C5orf22: variants seen among roughly 807,000 people sequenced by gnomAD.
C5orf22 encodes chromosome 5 open reading frame 22, also known as UPF0489 protein C5orf22.
Under a neutral mutation model 48.7 loss-of-function variants are expected in C5orf22, and 36 were observed. The ratio of observed to expected loss-of-function variants is 0.74; its 90% CI spans 0.57 to 0.98. The LOEUF is 0.98. Ranked by LOEUF, C5orf22 falls within the 50% of genes least tolerant of loss-of-function variation. The pLI is 0.00. For synonymous variants in C5orf22, 141 were observed against 180.8 expected, an observed-to-expected ratio of 0.78 and a Z score of 1.76; for missense variants, 486 against 521.9, an observed-to-expected ratio of 0.93 and a Z score of 0.67.
At chr5:31,533,333 C>T (rs772968795) in intron 1 of C5orf22, among the ~76,000 whole-genome samples, 8 of 152,128 alleles carry the variant, frequency 5.3e-5, no homozygotes, top group Non-Finnish European at 8.8e-5. Context: ...ATGTTTATGG[C>T]CGTGCTGATT....
At chr5:31,532,622 A>C in intron 1 of C5orf22, 149 bp downstream of exon 1, 1 of 637,122 alleles carries the variant, frequency 1.6e-6, no homozygotes, top group South Asian at 2.0e-5. Flanking sequence ...GAGGACCCCA[A>C]AACAGCTAAC....
At chr5:31,548,249 C>T (rs545436266) in intron 7 of C5orf22, among the ~76,000 whole-genome samples, 13 of 151,042 alleles carry the variant, frequency 8.6e-5, no homozygotes, top group Non-Finnish European at 1.5e-4. Flanking sequence ...TGCAGTGAGC[C>T]GAGATGGTAC....
Position 31,535,923 on chromosome 5 carries a change from G to A in C5orf22, c.377+30G>A, listed in dbSNP as rs1022458656. 3.1e-6 allele frequency: 5 copies of A among 1,595,766 alleles called. No homozygotes were observed. The African/African-American group carries it at 6.7e-5, about 22-fold the overall frequency. ...TTTCCTCATATTTGTGAATATGGAAGTGATTGAATGTTTCTATCTTATTTT... is the reference window on the plus strand; with the variant it reads ...TTTCCTCATATTTGTGAATATGGAAATGATTGAATGTTTCTATCTTATTTT... On this transcript the variant is annotated intron_variant, in intron 3 of 8. Transcript: ENST00000325366.
At chr5:31,549,336 A>G (rs1298543940) in intron 7 of C5orf22, among the ~76,000 whole-genome samples, 1 of 152,224 alleles carries the variant, frequency 6.6e-6, no homozygotes, top group Non-Finnish European at 1.5e-5. Flanking sequence ...CCCATGACAC[A>G]TGGAAATTGT....
At chr5:31,548,905 C>T (rs1394115001) in intron 7 of C5orf22, among the ~76,000 whole-genome samples, 3 of 152,082 alleles carry the variant, frequency 2.0e-5, no homozygotes, top group Non-Finnish European at 2.9e-5. Flanking sequence ...GCTTGTGCAG[C>T]GAGACTTGTG....
intron 3 of C5orf22, among the ~76,000 whole-genome samples, chr5:31,536,156 C>T (rs1431624238): frequency 6.6e-6 from 1 of 152,190 alleles, no homozygotes; most frequent in Non-Finnish European, 1.5e-5. Flanking sequence ...TGATTAACTC[C>T]TTAAGCCATT....
intron 1 of C5orf22, among the ~76,000 whole-genome samples, chr5:31,533,102 G>A (rs534388342): frequency 2.0e-5 from 3 of 152,092 alleles, no homozygotes; most frequent in East Asian, 3.9e-4. Context: ...TCACAGGCAC[G>A]CATCACCGTA....
chr5:31,538,547 GTTC>G lies in C5orf22; in HGVS notation c.670_672del (p.Ser224del), dbSNP rs1742255702. ...ACTTGCCTAGAACCATCATGTTCAT[GTTC>G]TTCTGAAAATCAGGAATGCCAGACT... On this transcript the variant is annotated inframe_deletion, in exon 4 of 9. Transcript: ENST00000325366. The G allele has an allele frequency of 1.2e-6, 2 of 1,614,146 alleles. No individual in the cohort carries two copies. The highest frequency in any genetic ancestry group is 2.2e-5 in the East Asian group (1 of 44,886).
chr5:31,551,574 T>G (rs1260830097), intron 8 of C5orf22, 142 bp downstream of exon 8: 2 of 665,328 alleles, frequency 3.0e-6, no homozygotes, highest in Non-Finnish European at 5.1e-6. Context: ...TTATCCTGGA[T>G]TTATCAGGTG....
At chr5:31,538,151 G>C (rs1742213609) in intron 3 of C5orf22, 109 bp from the exon 4 acceptor site, 1 of 767,872 alleles carries the variant, frequency 1.3e-6, no homozygotes, top group South Asian at 1.8e-5. Flanking sequence ...ACTAGAGACT[G>C]CTCTCAGTTT....
At chr5:31,541,979 A>G (rs780365543) in intron 6 of C5orf22, among the ~76,000 whole-genome samples, 1 of 152,174 alleles carries the variant, frequency 6.6e-6, no homozygotes, top group Non-Finnish European at 1.5e-5. Context: ...CAAGTCACAT[A>G]GTAAGTGGGC....
chr5:31,547,389 C>T (rs555168585), intron 7 of C5orf22, among the ~76,000 whole-genome samples: 29 of 152,320 alleles, frequency 1.9e-4, no homozygotes, highest in Admixed American at 9.8e-4. Flanking sequence ...ATCTGGAGGA[C>T]GGACAGTGGC....
chr5:31,550,724 G>A (rs919262923), intron 7 of C5orf22, among the ~76,000 whole-genome samples: 12 of 152,022 alleles, frequency 7.9e-5, no homozygotes, highest in South Asian at 2.1e-4. Context: ...CACCACGCCC[G>A]GCTAATTTTG....
At position 31,541,365 on chromosome 5, in the gene C5orf22, G is replaced by A. The variant is rs370536894; in HGVS notation, c.955G>A (p.Asp319Asn). Residue 319 changes from aspartate (D) to asparagine (N), a missense_variant, in exon 6 of 9, where the codon GAT (aspartate) becomes AAT (asparagine). Around this residue, in one of 3 missense-constraint regions of C5orf22, gnomAD observed 408 missense variants for 444.0 expected, o/e 0.92. Coordinates refer to ENST00000325366, the MANE Select transcript of C5orf22 (RefSeq NM_018356.3). ...TTTCGCTGATTTGTGTGATGGTGAT[G>A]ATGAAGAAACGGTACAGAGATGGGC... ...ATFADLCDGD[D>N]EETVQRWASN... 1.9e-5 allele frequency: 30 copies of A among 1,613,970 alleles called. No individual in the cohort carries two copies. In the African/African-American group the frequency reaches 3.7e-4, roughly 20 times the overall value.
At chr5:31,535,085 A>G (rs1189201166) in intron 2 of C5orf22, 1 of 440,306 alleles carries the variant, frequency 2.3e-6, no homozygotes, top group African/African-American at 2.0e-5. Context: ...ATATTTTGAT[A>G]GCCTTTTTAG....
In C5orf22 at chr5:31,538,469, A is replaced by G. The variant is rs779085552; in HGVS notation, c.587A>G (p.Asp196Gly). 4.3e-6 allele frequency: 7 copies of G among 1,614,038 alleles called. No individual in the cohort carries two copies. Among genetic ancestry groups the G allele is most frequent in the Non-Finnish European group, 5.9e-6 (7 of 1,180,008 alleles). ...GAAAACACTGCCTCTACTAACTGTG[A>G]CTCTTCTTCAGAAGGACTGGAAAAG... ...DSENTASTNCDSSSEGLEKDT... is the reference protein window; with the variant it reads ...DSENTASTNCGSSSEGLEKDT... Residue 196 changes from aspartate to glycine, a missense_variant, in exon 4 of 9, where the codon GAC (aspartate) becomes GGC (glycine). By Grantham distance (94) the Asp-to-Gly change is moderately conservative. Around this residue, in one of 3 missense-constraint regions of C5orf22, gnomAD observed 408 missense variants for 444.0 expected, o/e 0.92. Transcript: ENST00000325366.
At chr5:31,536,488 ACTCCAGC>A (rs1181399771) in intron 3 of C5orf22, among the ~76,000 whole-genome samples, 1 of 152,192 alleles carries the variant, frequency 6.6e-6, no homozygotes, top group African/African-American at 2.4e-5. Context: ...GTGCCACTGT[ACTCCAGC>A]CTGGGCAACA....
intron 7 of C5orf22, among the ~76,000 whole-genome samples, chr5:31,548,978 G>C (rs940341656): frequency 1.6e-4 from 24 of 152,174 alleles, no homozygotes; most frequent in African/African-American, 5.6e-4. Context: ...CCAGCATTTT[G>C]GGAGGCCGAA....
chr5:31,539,850 G>A (rs1742341170), intron 4 of C5orf22, among the ~76,000 whole-genome samples: 1 of 152,054 alleles, frequency 6.6e-6, no homozygotes, highest in East Asian at 1.9e-4. Flanking sequence ...TGAGAACAGC[G>A]TAGGCAACGT....
Sources: gnomAD v4.1 joint callset for allele counts (sites outside exome capture counted in the v4.1 genomes callset) on GRCh38, gnomAD v4.1.1 for gene constraint, gnomAD v4.1.1 regional missense constraint, MANE v1.5 for transcripts, NCBI Gene and HGNC (gene_info 2026-07-23, HGNC 2026-07-21) for gene names.